The following LGI3 variants were observed in gnomAD, a reference collection of about 807,000 sequenced individuals.
LGI3 encodes the protein leucine-rich repeat LGI family member 3.
In LGI3, 47 loss-of-function variants were observed where a neutral mutation model predicts 55.4. That is an observed-to-expected ratio of 0.85 (90% CI 0.67 to 1.08). LGI3 has a LOEUF of 1.08. Ranked by LOEUF, LGI3 falls within the 50% of genes least tolerant of loss-of-function variation. LGI3 has a pLI of 0.00. For synonymous variants in LGI3, 326 were observed against 315.0 expected (o/e 1.04, Z -0.37); for missense variants, 664 against 726.3 (o/e 0.91, Z 0.99).
In LGI3 at chr8:22,156,518, C is replaced by A. The variant is rs1371245810; in HGVS notation, c.25G>T (p.Gly9Cys). 20 of 1,358,996 alleles carry A rather than the reference C, an allele frequency of 1.5e-5. No homozygotes were observed. The highest frequency in any genetic ancestry group is 6.2e-5 in the African/African-American group (4 of 64,850). 84.2% of individuals were successfully genotyped at this position (1,358,996 alleles called of 1,614,324 possible). A position where few individuals can be genotyped will look rare whatever the true frequency, so the allele number is the denominator to read the frequency against. ...AGCGCCAGCAGCCCCGGCCCCGGGC[C>A]CCCCCTGGCCCGCAGCCCCGCCATG... MAGLRARG[G>C]PGPGLLALSA... is the part of the protein sequence containing the mutation. The change falls in exon 1 of 8, where the codon GGC becomes TGC. Residue 9 changes from glycine (G) to cysteine (C), a missense_variant. Coordinates refer to ENST00000306317, the MANE Select transcript of LGI3 (RefSeq NM_139278.4).
chr8:22,151,734 G>T, intron 6 of LGI3, 81 bp from the exon 7 acceptor site: 1 of 1,572,426 alleles, frequency 6.4e-7, no homozygotes, highest in Non-Finnish European at 8.7e-7. Context: ...CTTTACTGCT[G>T]CCGCTGGGTG....
Position 22,151,613 on chromosome 8 carries a change from C to T in LGI3, c.705G>A (p.Ser235=), listed in dbSNP as rs373343995. Residue 235 remains serine, a synonymous_variant, in exon 7 of 8, where the codon TCG becomes TCA. Transcript: ENST00000306317. ...CACTGGAGTAGAGGAAGGGCTCAGC[C>T]GACACTGCTGGGAAGGCCAGGGTCT... is the stretch of plus-strand genomic sequence containing the variant. The part of the protein sequence containing the change: ...LYQTLAFPAV[S]AEPFLYSSDL... The T allele has an allele frequency of 4.8e-5, 77 of 1,613,928 alleles. No individual in the cohort carries two copies. The highest frequency in any genetic ancestry group is 4.5e-4 in the Admixed American group (27 of 59,994).
rs781149313 is a variant in LGI3 at position 22,148,474 on chromosome 8, C to T, written c.1333G>A (p.Asp445Asn). 8 of 1,612,728 alleles carry T rather than the reference C, an allele frequency of 5.0e-6. No homozygotes were observed. Among genetic ancestry groups the T allele is most frequent in the East Asian group, 4.5e-5 (2 of 44,858 alleles). ...CCCTCCCAGCGCAGGATCTTGGAGT[C>T]GCCAATGTAGCGGCTGAGGCACAGG... ...SYLCLSRYIG[D>N]SKILRWEGTR... The change falls in exon 8 of 8, where the codon GAC becomes AAC. Residue 445 changes from aspartate (D) to asparagine (N), a missense_variant. Coordinates refer to ENST00000306317, the MANE Select transcript of LGI3 (RefSeq NM_139278.4). This position sits in a 1 kb window ranked among gnomAD's most constrained non-coding sequence, Gnocchi z 7.0.
chr8:22,151,475 T>A lies in LGI3; in HGVS notation c.829+14A>T. 1 of 1,610,970 alleles carries A rather than the reference T, an allele frequency of 6.2e-7. No individual in the cohort carries two copies. Among genetic ancestry groups the A allele is most frequent in the Non-Finnish European group, 8.5e-7 (1 of 1,178,230 alleles). On this transcript the variant is annotated intron_variant, in intron 7 of 7. Transcript: ENST00000306317. ...CCTAGCAAGGGCCAGCAGAACCAGA[T>A]TGGGCGCAGGTACCTGGGATTCTAT... is the stretch of plus-strand genomic sequence containing the variant.
chr8:22,152,840 C>T (rs1827397749), intron 5 of LGI3, among the ~76,000 whole-genome samples: 2 of 151,214 alleles, frequency 1.3e-5, no homozygotes, highest in Admixed American at 1.3e-4. Flanking sequence ...CAACTGAGGT[C>T]GGGAGTTCAA....
rs1233908332 is a variant in LGI3 at position 22,148,930 on chromosome 8, A to G, written c.877T>C (p.Tyr293His). The change falls in exon 8 of 8, where the codon TAC (tyrosine) becomes CAC (histidine). Residue 293 changes from tyrosine (Y) to histidine (H), a missense_variant. By Grantham distance (83) the Tyr-to-His change is moderately conservative. Transcript: ENST00000306317. The surrounding 1 kb of genome is among the most constrained non-coding windows in gnomAD (Gnocchi z 7.0). ...CCAAACAGCTGGGCCACGACCACGT[A>G]CAGCTGGCTGTCCACCACCATCGGC... Reference protein sequence around the residue: ...CKPMVVDSQLYVVVAQLFGGS... With the variant: ...CKPMVVDSQLHVVVAQLFGGS... 6.2e-7 allele frequency: 1 copy of G among 1,613,934 alleles called. No homozygotes were observed. The highest frequency in any genetic ancestry group is 8.5e-7 in the Non-Finnish European group (1 of 1,179,980).
Position 22,156,337 on chromosome 8 carries a change from A to G in LGI3, c.206T>C (p.Leu69Pro). The change falls in exon 1 of 8, where the codon CTG becomes CCG. Residue 69 changes from leucine (L) to proline (P), a missense_variant and splice_region_variant. By Grantham distance (98) the Leu-to-Pro change is moderately conservative. Transcript: ENST00000306317. ...PRNLPSEVIS[L>P]TLVNAAFSEI... ...CCCAAGGCCAGGGCTGGACACTCAC[A>G]GGGAGATGACCTCCGAGGGCAGGTT... 1.2e-6 allele frequency: 2 copies of G among 1,610,506 alleles called. No homozygotes were observed. Among genetic ancestry groups the G allele is most frequent in the East Asian group, 2.2e-5 (1 of 44,636 alleles).
Position 22,156,388 on chromosome 8 carries a change from C to A in LGI3, c.155G>T (p.Cys52Phe). The change falls in exon 1 of 8, where the codon TGC (cysteine) becomes TTC (phenylalanine). Residue 52 changes from cysteine to phenylalanine, a missense_variant. Physicochemically the swap from Cys to Phe is radical, Grantham distance 205. Transcript: ENST00000306317. ...CCTGGGCACCGCCTTTGAGTCCACG[C>A]AGAAGGCGGTGTCCCTGGTGCAAGA... Reference protein sequence around the residue: ...SCSCTRDTAFCVDSKAVPRNL... With the variant: ...SCSCTRDTAFFVDSKAVPRNL... The A allele has an allele frequency of 6.2e-7, 1 of 1,604,098 alleles. No homozygotes were observed. Among genetic ancestry groups the A allele is most frequent in the Non-Finnish European group, 8.5e-7 (1 of 1,176,310 alleles).
rs1439199954 is a variant in LGI3 at position 22,153,726 on chromosome 8, AC to A, written c.494+241del. Among the ~76,000 whole-genome samples the A allele has an allele frequency of 9.8e-3, 774 of 79,266 alleles. 4 individuals are homozygous for A. Among genetic ancestry groups the A allele is most frequent in the African/African-American group, 0.038 (697 of 18,554 alleles). 52.0% of individuals were successfully genotyped at this position (79,266 alleles called of 152,430 possible). On this transcript the variant is annotated intron_variant, in intron 5 of 7. Transcript: ENST00000306317. ...CGTCTATAATTAAAAAAAAAAAAAAACACACACACACATTTTGAAAACATAC... is the reference window on the plus strand; with the variant it reads ...CGTCTATAATTAAAAAAAAAAAAAAAACACACACACATTTTGAAAACATAC...
chr8:22,153,831 C>T (rs1827448393), intron 5 of LGI3, 137 bp downstream of exon 5: 5 of 815,828 alleles, frequency 6.1e-6, no homozygotes, highest in Non-Finnish European at 1.0e-5. Flanking sequence ...CACCTCCTCA[C>T]CTCCTCAGGG....
At chr8:22,153,327 C>T (rs1827405184) in intron 5 of LGI3, among the ~76,000 whole-genome samples, 1 of 150,778 alleles carries the variant, frequency 6.6e-6, no homozygotes, top group Non-Finnish European at 1.5e-5. Context: ...TCAGGTGATT[C>T]GCCCTCCTTG....
chr8:22,152,023 G>A (rs769008497), intron 5 of LGI3, 23 bp from the exon 6 acceptor site: 7 of 1,564,196 alleles, frequency 4.5e-6, no homozygotes, highest in Non-Finnish European at 5.2e-6. Context: ...GGCAGAGGAG[G>A]GGGGCACAGA....
Position 22,147,360 on chromosome 8 carries a change from C to A in LGI3, c.*800G>T, listed in dbSNP as rs899010065. Reference sequence around the variant, plus strand: ...GGAGAACAGAGACAGACACCCCTGGCAGCTCCCCGGGATTGCTTCTGCTGC... The same window carrying A: ...GGAGAACAGAGACAGACACCCCTGGAAGCTCCCCGGGATTGCTTCTGCTGC... On this transcript the variant is annotated 3_prime_UTR_variant, in exon 8 of 8. Coordinates refer to ENST00000306317, the MANE Select transcript of LGI3 (RefSeq NM_139278.4). 6.6e-6 allele frequency: 1 copy of A among 152,320 alleles called. No homozygotes were observed. Among genetic ancestry groups the A allele is most frequent in the African/African-American group, 2.4e-5 (1 of 41,460 alleles). 9.4% of individuals were successfully genotyped at this position (152,320 alleles called of 1,614,324 possible).
In LGI3 at chr8:22,148,366, G is replaced by A. The variant is rs953218796; in HGVS notation, c.1441C>T (p.Leu481=). 8 of 1,613,774 alleles carry A rather than the reference G, an allele frequency of 5.0e-6. No individual in the cohort carries two copies. The highest frequency in any genetic ancestry group is 6.8e-6 in the Non-Finnish European group (8 of 1,179,944). ...QPFLVGGRRY[L]ALGSDFSFTQ... is the part of the protein sequence containing the mutation. The stretch of plus-strand genomic sequence containing the variant: ...AAGGAGAAATCACTGCCCAGTGCCA[G>A]GTAGCGGCGGCCACCCACAAGGAAG... Residue 481 remains leucine (L), a synonymous_variant, in exon 8 of 8, where the codon CTG becomes TTG. Coordinates refer to ENST00000306317, the MANE Select transcript of LGI3 (RefSeq NM_139278.4). This position sits in a 1 kb window ranked among gnomAD's most constrained non-coding sequence, Gnocchi z 7.0.
chr8:22,155,208 C>T, intron 2 of LGI3, 184 bp downstream of exon 2: 1 of 629,080 alleles, frequency 1.6e-6, no homozygotes, highest in Non-Finnish European at 2.8e-6. Context: ...TCCTGCTGCC[C>T]CGACTCCCCT....
In LGI3 at chr8:22,147,849, G is replaced by A. The variant is rs921809416; in HGVS notation, c.*311C>T. The A allele has an allele frequency of 2.9e-5, 10 of 340,900 alleles. No individual in the cohort carries two copies. The highest frequency in any genetic ancestry group is 1.1e-4 in the African/African-American group (5 of 47,402). 21.1% of individuals were successfully genotyped at this position (340,900 alleles called of 1,614,324 possible). ...CGGCCCCCCTCGCTCCCAGCACCCC[G>A]CACCACTCGTGCATGAGACAGGGGG... On this transcript the variant is annotated 3_prime_UTR_variant, in exon 8 of 8. Transcript: ENST00000306317.
Position 22,151,658 on chromosome 8 carries a change from A to C in LGI3, c.665-5T>G, listed in dbSNP as rs766973536. ...GGGTCTGGTACAACACAAAATCTGCAAGATGAGAGGTGCGTTACTGAAGAC... is the reference window on the plus strand; with the variant it reads ...GGGTCTGGTACAACACAAAATCTGCCAGATGAGAGGTGCGTTACTGAAGAC... On this transcript the variant is annotated splice_polypyrimidine_tract_variant and splice_region_variant and intron_variant, in intron 6 of 7. Coordinates refer to ENST00000306317, the MANE Select transcript of LGI3 (RefSeq NM_139278.4). 5 of 1,613,558 alleles carry C rather than the reference A, an allele frequency of 3.1e-6. No individual in the cohort carries two copies. Among genetic ancestry groups the C allele is most frequent in the Non-Finnish European group, 4.2e-6 (5 of 1,179,714 alleles).
In LGI3 at chr8:22,148,079, C is replaced by T; in HGVS notation, c.*81G>A. Reference sequence around the variant, plus strand: ...AATGCAGGTTGGTCGCTTGTCTTCACACAGGCATACGTGGTGCTCACAGAG... The same window carrying T: ...AATGCAGGTTGGTCGCTTGTCTTCATACAGGCATACGTGGTGCTCACAGAG... On this transcript the variant is annotated 3_prime_UTR_variant, in exon 8 of 8. Coordinates refer to ENST00000306317, the MANE Select transcript of LGI3 (RefSeq NM_139278.4). The surrounding 1 kb of genome is among the most constrained non-coding windows in gnomAD (Gnocchi z 7.0). The T allele has an allele frequency of 1.6e-6, 2 of 1,235,848 alleles. No homozygotes were observed. Among genetic ancestry groups the T allele is most frequent in the South Asian group, 1.4e-5 (1 of 69,134 alleles). 76.6% of individuals were successfully genotyped at this position (1,235,848 alleles called of 1,614,324 possible).
At position 22,148,391 on chromosome 8, in the gene LGI3, G is replaced by A. The variant is rs573936439; in HGVS notation, c.1416C>T (p.Pro472=). ...LPSRGSLALQ[P]FLVGGRRYLA... is the part of the protein sequence containing the mutation. Reference sequence around the variant, plus strand: ...GGTAGCGGCGGCCACCCACAAGGAAGGGCTGCAGGGCCAGCGAGCCCCGGG... The same window carrying A: ...GGTAGCGGCGGCCACCCACAAGGAAAGGCTGCAGGGCCAGCGAGCCCCGGG... Residue 472 remains proline, a synonymous_variant, in exon 8 of 8, where the codon CCC becomes CCT. Coordinates refer to ENST00000306317, the MANE Select transcript of LGI3 (RefSeq NM_139278.4). The surrounding 1 kb of genome is among the most constrained non-coding windows in gnomAD (Gnocchi z 7.0). 6 of 1,613,228 alleles carry A rather than the reference G, an allele frequency of 3.7e-6. 1 individual carries two copies. The Admixed American group carries it at 8.3e-5, about 22-fold the overall frequency.
Sources: allele counts gnomAD v4.1 joint callset (sites outside exome capture counted in the v4.1 genomes callset), GRCh38; gene constraint gnomAD v4.1.1; non-coding constraint Gnocchi (gnomAD v3.1); transcripts MANE v1.5; gene names NCBI Gene and HGNC (gene_info 2026-07-23, HGNC 2026-07-21).